The following CTTNBP2NL variants were observed in gnomAD, a reference collection of about 807,000 sequenced individuals.
The protein encoded by CTTNBP2NL is CTTNBP2 N-terminal-like protein.
A neutral mutation model predicts 32.5 loss-of-function variants in CTTNBP2NL; 16 were observed. The observed-to-expected ratio is 0.49, with a 90% CI of 0.33 to 0.75. CTTNBP2NL has a LOEUF of 0.75. Ranked by LOEUF, CTTNBP2NL falls within the 30% of genes least tolerant of loss-of-function variation. CTTNBP2NL has a pLI of 0.02. For synonymous variants in CTTNBP2NL, 298 were observed against 289.4 expected (o/e 1.03, Z -0.30); for missense variants, 645 against 756.0 (o/e 0.85, Z 1.72).
At chr1:112,425,717 G>T (rs1187586024) in intron 3 of CTTNBP2NL, among the ~76,000 whole-genome samples, 1 of 151,294 alleles carries the variant, frequency 6.6e-6, no homozygotes, top group Non-Finnish European at 1.5e-5. Context: ...AAAAAAATTA[G>T]CTGGGTATGG....
At chr1:112,447,066 A>G (rs1650065937) in intron 3 of CTTNBP2NL, among the ~76,000 whole-genome samples, 1 of 152,034 alleles carries the variant, frequency 6.6e-6, no homozygotes, top group African/African-American at 2.4e-5. Flanking sequence ...CGAGGTCGGG[A>G]GATCGAGACC....
chr1:112,421,827 T>C (rs1490733205), intron 3 of CTTNBP2NL, among the ~76,000 whole-genome samples: 1 of 152,182 alleles, frequency 6.6e-6, no homozygotes, highest in Non-Finnish European at 1.5e-5. Context: ...CTCTGGTGCA[T>C]GGAACAGATG....
At chr1:112,398,854 G>A (rs1648408836) in intron 1 of CTTNBP2NL, among the ~76,000 whole-genome samples, 1 of 149,566 alleles carries the variant, frequency 6.7e-6, no homozygotes, top group Admixed American at 6.7e-5. Flanking sequence ...AAATATATAT[G>A]TAATCTGCTA....
At chr1:112,413,313 T>G (rs1400489375) in intron 2 of CTTNBP2NL, among the ~76,000 whole-genome samples, 2 of 152,214 alleles carry the variant, frequency 1.3e-5, no homozygotes, top group Non-Finnish European at 2.9e-5. Context: ...GCAACTGAAG[T>G]TATTTCCGAG....
At chr1:112,436,843 C>A (rs1332525257) in intron 3 of CTTNBP2NL, among the ~76,000 whole-genome samples, 3 of 152,108 alleles carry the variant, frequency 2.0e-5, no homozygotes, top group African/African-American at 7.2e-5. Flanking sequence ...GTCTGTCGTT[C>A]CTCTCTTGAT....
In CTTNBP2NL at chr1:112,457,236, A is replaced by T; in HGVS notation, c.1744A>T (p.Ile582Phe). The T allele has an allele frequency of 6.2e-7, 1 of 1,614,076 alleles. No individual in the cohort carries two copies. The highest frequency in any genetic ancestry group is 8.5e-7 in the Non-Finnish European group (1 of 1,180,000). Residue 582 changes from isoleucine to phenylalanine, a missense_variant, in exon 6 of 6, where the codon ATC becomes TTC. Physicochemically the swap from Ile to Phe is conservative, Grantham distance 21. Coordinates refer to ENST00000271277, the MANE Select transcript of CTTNBP2NL (RefSeq NM_018704.3). The stretch of plus-strand genomic sequence containing the variant: ...AGCTGAGAGAGGAAACCCTCCACCC[A>T]TCCCACCCAAGAAACCTGGCCTCAC... ...PRAERGNPPP[I>F]PPKKPGLTPS... is the part of the protein sequence containing the mutation.
intron 3 of CTTNBP2NL, among the ~76,000 whole-genome samples, chr1:112,442,941 C>T (rs543819850): frequency 1.1e-4 from 16 of 152,194 alleles, no homozygotes; most frequent in East Asian, 1.9e-4. Flanking sequence ...TCACCTGCCT[C>T]GGCCTCTCAA....
At chr1:112,454,861 C>T (rs1557898894) in intron 5 of CTTNBP2NL, among the ~76,000 whole-genome samples, 2 of 152,342 alleles carry the variant, frequency 1.3e-5, no homozygotes, top group South Asian at 2.1e-4. Context: ...CCGTAGAACA[C>T]TCTTTGGGGA....
intron 1 of CTTNBP2NL, among the ~76,000 whole-genome samples, chr1:112,411,972 C>T (rs1015556153): frequency 7.2e-5 from 11 of 152,152 alleles, no homozygotes; most frequent in Non-Finnish European, 1.2e-4. Flanking sequence ...ATCTCAAAAG[C>T]CTCTACCTTC....
intron 1 of CTTNBP2NL, among the ~76,000 whole-genome samples, chr1:112,405,397 A>T (rs963834350): frequency 7.2e-5 from 11 of 152,134 alleles, no homozygotes; most frequent in African/African-American, 2.7e-4. Flanking sequence ...TCCTGGGTTC[A>T]AGCGATTCTC....
intron 3 of CTTNBP2NL, among the ~76,000 whole-genome samples, chr1:112,436,654 C>T (rs1478390902): frequency 3.3e-5 from 1 of 30,446 alleles, no homozygotes; most frequent in Non-Finnish European, 5.2e-5. Context: ...CCCTTTAGTA[C>T]ACTTTTTTTT....
intron 1 of CTTNBP2NL, among the ~76,000 whole-genome samples, chr1:112,398,817 C>CA (rs3033224): frequency 0.017 from 1,561 of 93,592 alleles, 23 homozygotes; most frequent in African/African-American, 0.026. Context: ...TGTCTCTTAA[C>CA]AAAAAAAAAA....
chr1:112,395,962 G>A (rs772697732), upstream of CTTNBP2NL, among the ~76,000 whole-genome samples: 18 of 152,218 alleles, frequency 1.2e-4, no homozygotes, highest in Admixed American at 6.5e-4. Context: ...ACCCCGAGCC[G>A]GGAGGGGCGC....
chr1:112,449,610 A>G (rs2101030765), intron 4 of CTTNBP2NL, among the ~76,000 whole-genome samples: 1 of 151,992 alleles, frequency 6.6e-6, no homozygotes, highest in South Asian at 2.1e-4. Flanking sequence ...CCAATAGATT[A>G]TTTTCATTTA....
chr1:112,444,539 G>A (rs1389693684), intron 3 of CTTNBP2NL, among the ~76,000 whole-genome samples: 1 of 152,140 alleles, frequency 6.6e-6, no homozygotes, highest in Admixed American at 6.6e-5. Context: ...TATTGAATCT[G>A]TCTAACCAGC....
At chr1:112,450,722 G>A (rs1650190866) in intron 4 of CTTNBP2NL, among the ~76,000 whole-genome samples, 1 of 149,036 alleles carries the variant, frequency 6.7e-6, no homozygotes, top group Admixed American at 6.7e-5. Flanking sequence ...AGTGCTAAAT[G>A]TTTTAAGTGA....
intron 3 of CTTNBP2NL, among the ~76,000 whole-genome samples, chr1:112,432,066 A>ATTTTTTTTTTTTTTTT (rs11440212): frequency 2.2e-5 from 2 of 91,050 alleles, no homozygotes; most frequent in African/African-American, 4.5e-5. Flanking sequence ...ATATATTTTG[A>ATTTTTTTTTTTTTTTT]TTTTTTTTTT....
Position 112,416,217 on chromosome 1 carries a change from C to G in CTTNBP2NL, c.52C>G (p.Leu18Val). ...TGAACTCCTGACACTATTTAGTATT[C>G]TTGAAGGAGAGCTTGAAGCAAGGGA... ...KPELLTLFSI[L>V]EGELEARDLV... Residue 18 changes from leucine to valine, a missense_variant, in exon 3 of 6, where the codon CTT (leucine) becomes GTT (valine). Leu to Val is a conservative substitution (Grantham distance 32). Transcript: ENST00000271277. 1 of 1,606,692 alleles carries G rather than the reference C, an allele frequency of 6.2e-7. No individual in the cohort carries two copies.
intron 3 of CTTNBP2NL, among the ~76,000 whole-genome samples, chr1:112,426,476 G>A (rs1179802303): frequency 6.6e-6 from 1 of 151,842 alleles, no homozygotes; most frequent in African/African-American, 2.4e-5. Flanking sequence ...AGGATCACTT[G>A]AAGCCAGGAG....
Sources: allele counts gnomAD v4.1 joint callset (sites outside exome capture counted in the v4.1 genomes callset), GRCh38; gene constraint gnomAD v4.1.1; transcripts MANE v1.5; gene names NCBI Gene and HGNC (gene_info 2026-07-23, HGNC 2026-07-21).